Variants in CRIM1 observed in about 807,000 individuals in gnomAD.
CRIM1 encodes cysteine rich transmembrane BMP regulator 1.
Under a neutral mutation model 116.4 loss-of-function variants are expected in CRIM1, and 32 were observed. The ratio of observed to expected loss-of-function variants is 0.27; its 90% CI spans 0.21 to 0.37. CRIM1 has a LOEUF of 0.37. Ranked by LOEUF, CRIM1 falls within the 10% of genes least tolerant of loss-of-function variation. CRIM1 has a pLI of 1.00. For synonymous variants in CRIM1, 590 were observed against 509.2 expected (o/e 1.16, Z -2.13); for missense variants, 1,331 against 1,354.8 (o/e 0.98, Z 0.28).
At chr2:36,455,933 C>G (rs955981085) in intron 4 of CRIM1, among the ~76,000 whole-genome samples, 1 of 152,092 alleles carries the variant, frequency 6.6e-6, no homozygotes, top group African/African-American at 2.4e-5. Flanking sequence ...TACGGTCTTT[C>G]ACTTTGCACT....
At chr2:36,476,526 G>C (rs948955345) in intron 5 of CRIM1, among the ~76,000 whole-genome samples, 8 of 152,124 alleles carry the variant, frequency 5.3e-5, no homozygotes, top group African/African-American at 1.9e-4. Flanking sequence ...GTGGAGGCAG[G>C]ATCATTCATT....
chr2:36,545,167 C>A (rs1173357106), intron 15 of CRIM1, among the ~76,000 whole-genome samples: 1 of 152,108 alleles, frequency 6.6e-6, no homozygotes, highest in East Asian at 1.9e-4. Context: ...CCATATTTTC[C>A]AAATCATTGC....
intron 3 of CRIM1, among the ~76,000 whole-genome samples, chr2:36,441,875 A>G (rs1048262711): frequency 2.0e-5 from 3 of 152,208 alleles, no homozygotes; most frequent in Non-Finnish European, 4.4e-5. Flanking sequence ...GAATTATTAC[A>G]TTTAAAAACA....
chr2:36,385,642 G>C (rs903912300), intron 1 of CRIM1, among the ~76,000 whole-genome samples: 3 of 152,170 alleles, frequency 2.0e-5, no homozygotes, highest in African/African-American at 7.2e-5. Context: ...ACCAGAGTGA[G>C]ATGGGAGAAT....
At chr2:36,372,298 T>C (rs1195236028) in intron 1 of CRIM1, among the ~76,000 whole-genome samples, 1 of 152,198 alleles carries the variant, frequency 6.6e-6, no homozygotes, top group Non-Finnish European at 1.5e-5. Flanking sequence ...ACCCTATGAC[T>C]TCAGAGACAG....
intron 8 of CRIM1, among the ~76,000 whole-genome samples, chr2:36,504,105 G>A (rs11895637): frequency 9.0e-4 from 137 of 152,108 alleles, no homozygotes; most frequent in African/African-American, 3.0e-3. Context: ...AACTCCTGGC[G>A]TCAAGCAATC....
At chr2:36,538,959 T>A (rs1261261253) in intron 14 of CRIM1, among the ~76,000 whole-genome samples, 1 of 152,220 alleles carries the variant, frequency 6.6e-6, no homozygotes, top group Non-Finnish European at 1.5e-5. Flanking sequence ...CGAAGAGTCA[T>A]TTAATGCCTT....
intron 4 of CRIM1, 78 bp downstream of exon 4, chr2:36,442,813 G>T (rs1675961649): frequency 6.4e-7 from 1 of 1,551,640 alleles, no homozygotes; most frequent in African/African-American, 1.4e-5. Flanking sequence ...CATGCAGTTT[G>T]TTTTCCCATG....
chr2:36,508,876 G>C (rs943558816), intron 8 of CRIM1, among the ~76,000 whole-genome samples: 4 of 152,054 alleles, frequency 2.6e-5, no homozygotes, highest in Non-Finnish European at 5.9e-5. Flanking sequence ...TAACTGACTA[G>C]CAGAGGACAG....
intron 4 of CRIM1, among the ~76,000 whole-genome samples, chr2:36,456,362 A>T (rs750840811): frequency 4.6e-5 from 7 of 152,214 alleles, no homozygotes; most frequent in Admixed American, 6.5e-5. Flanking sequence ...GTTCCAAAGC[A>T]TCTATTTTCT....
intron 12 of CRIM1, among the ~76,000 whole-genome samples, chr2:36,519,912 A>G (rs529698352): frequency 1.4e-5 from 1 of 70,686 alleles, no homozygotes; most frequent in African/African-American, 5.3e-5. Context: ...GAGAAGAGCG[A>G]GGGAGGTAGA....
intron 4 of CRIM1, among the ~76,000 whole-genome samples, chr2:36,457,159 T>G (rs1677201454): frequency 6.6e-6 from 1 of 152,106 alleles, no homozygotes; most frequent in Non-Finnish European, 1.5e-5. Context: ...TTTATAAATT[T>G]TTTATTTCCA....
At chr2:36,440,536 A>G (rs1400488363) in intron 2 of CRIM1, among the ~76,000 whole-genome samples, 3 of 152,184 alleles carry the variant, frequency 2.0e-5, no homozygotes, top group African/African-American at 7.2e-5. Context: ...CCATCGTAAA[A>G]TCTGAGTAAA....
intron 10 of CRIM1, 26 bp from the exon 11 acceptor site, chr2:36,513,530 T>C: frequency 6.2e-7 from 1 of 1,606,092 alleles, no homozygotes; most frequent in Non-Finnish European, 8.5e-7. Context: ...GCCACTTCTT[T>C]ACCAGGCTGC....
At chr2:36,464,699 AGAG>A (rs756754672) in intron 5 of CRIM1, 44 bp downstream of exon 5, 73 of 1,600,070 alleles carry the variant, frequency 4.6e-5, no homozygotes, top group Middle Eastern at 1.7e-4. Context: ...ACATTTGTGC[AGAG>A]GAGGAGGAGG....
rs1353365524 is a variant in CRIM1 at position 36,464,584 on chromosome 2, C to A, written c.920C>A (p.Ser307Tyr). Reference sequence around the variant, plus strand: ...GGTTTCCCCGTGTGTGAGGTGGGATCCACTCCCCGCATAGTCTCTCGTGGC... The same window carrying A: ...GGTTTCCCCGTGTGTGAGGTGGGATACACTCCCCGCATAGTCTCTCGTGGC... ...LCGFPVCEVG[S>Y]TPRIVSRGDG... Residue 307 changes from serine (S) to tyrosine (Y), a missense_variant, in exon 5 of 17, where the codon TCC becomes TAC. By Grantham distance (144) the Ser-to-Tyr change is moderately radical. Transcript: ENST00000280527. The A allele has an allele frequency of 6.2e-7, 1 of 1,614,018 alleles. No individual in the cohort carries two copies. Among genetic ancestry groups the A allele is most frequent in the Non-Finnish European group, 8.5e-7 (1 of 1,179,976 alleles).
chr2:36,373,049 A>G (rs1441621064), intron 1 of CRIM1, among the ~76,000 whole-genome samples: 2 of 152,188 alleles, frequency 1.3e-5, no homozygotes, highest in Non-Finnish European at 2.9e-5. Context: ...CTAGGCAGGT[A>G]TGTTTTCTTT....
intron 1 of CRIM1, among the ~76,000 whole-genome samples, chr2:36,376,223 A>G (rs529810106): frequency 3.2e-4 from 48 of 152,348 alleles, no homozygotes; most frequent in Admixed American, 1.8e-3. Flanking sequence ...TCTTCAACCA[A>G]AGCTTCAAGT....
chr2:36,396,095 A>C (rs528547867), intron 1 of CRIM1, among the ~76,000 whole-genome samples: 1 of 152,034 alleles, frequency 6.6e-6, no homozygotes, highest in Non-Finnish European at 1.5e-5. Context: ...GTTTTTGTAG[A>C]GACTGGGTCT....
Sources: allele counts gnomAD v4.1 joint callset (sites outside exome capture counted in the v4.1 genomes callset), GRCh38; gene constraint gnomAD v4.1.1; transcripts MANE v1.5; gene names NCBI Gene and HGNC (gene_info 2026-07-23, HGNC 2026-07-21).